Variants in PDE3A observed in about 807,000 individuals in gnomAD.
The protein encoded by PDE3A is cGMP-inhibited 3',5'-cyclic phosphodiesterase 3A.
A neutral mutation model predicts 98.3 loss-of-function variants in PDE3A; 43 were observed. The observed-to-expected ratio is 0.44, with a 90% confidence interval of 0.34 to 0.56. PDE3A has a LOEUF of 0.56. Ranked by LOEUF, PDE3A falls within the 20% of genes least tolerant of loss-of-function variation. PDE3A has a pLI of 0.01. For synonymous variants in PDE3A, 663 were observed against 567.9 expected (o/e 1.17, Z -2.38); for missense variants, 1,427 against 1,440.7 (o/e 0.99, Z 0.15).
chr12:20,594,710 A>G (rs1331386106), intron 2 of PDE3A, among the ~76,000 whole-genome samples: 1 of 152,124 alleles, frequency 6.6e-6, no homozygotes, highest in African/African-American at 2.4e-5. Flanking sequence ...GGATTCAGAT[A>G]TGGATAGTAT....
intron 13 of PDE3A, among the ~76,000 whole-genome samples, 176 bp from the exon 14 acceptor site, chr12:20,650,269 T>C (rs1944886449): frequency 6.6e-6 from 1 of 152,182 alleles, no homozygotes; most frequent in South Asian, 2.1e-4. Context: ...TTGTGAACTA[T>C]TTTTACCATT....
intron 1 of PDE3A, among the ~76,000 whole-genome samples, chr12:20,501,545 T>C (rs1054582392): frequency 6.6e-6 from 1 of 152,178 alleles, no homozygotes; most frequent in Non-Finnish European, 1.5e-5. Context: ...AGTAAAACTT[T>C]CTATTTACTT....
intron 15 of PDE3A, among the ~76,000 whole-genome samples, chr12:20,668,097 T>C (rs1945368152): frequency 6.6e-6 from 1 of 152,206 alleles, no homozygotes; most frequent in Admixed American, 6.5e-5. Context: ...AGATGGCACC[T>C]GGAAAATCAG....
chr12:20,485,162 G>A (rs1435171576), intron 1 of PDE3A, among the ~76,000 whole-genome samples: 1 of 152,136 alleles, frequency 6.6e-6, no homozygotes, highest in Non-Finnish European at 1.5e-5. Context: ...CGAAGATCAA[G>A]GTGTCAGCAA....
chr12:20,467,378 T>A (rs1054214194), intron 1 of PDE3A, among the ~76,000 whole-genome samples: 6 of 151,994 alleles, frequency 3.9e-5, no homozygotes, highest in African/African-American at 1.4e-4. Flanking sequence ...AGTGTAGGAA[T>A]GACTTTCTAT....
In PDE3A at chr12:20,688,287, T is replaced by C. The variant is rs1946034310; in HGVS notation, c.*8016T>C. Among the ~76,000 whole-genome samples, 1 of 151,992 alleles carries C rather than the reference T, an allele frequency of 6.6e-6. No homozygotes were observed. The highest frequency in any genetic ancestry group is 2.4e-5 in the African/African-American group (1 of 41,422). On this transcript the variant is annotated 3_prime_UTR_variant, in exon 16 of 16. Coordinates refer to ENST00000359062, the MANE Select transcript of PDE3A (RefSeq NM_000921.5). Reference sequence around the variant, plus strand: ...TTAATATATGTAGCAATACTTAGTATCATCCCATCACAAGTATTGTTAGGC... The same window carrying C: ...TTAATATATGTAGCAATACTTAGTACCATCCCATCACAAGTATTGTTAGGC...
At chr12:20,564,511 A>G (rs985735243) in intron 2 of PDE3A, among the ~76,000 whole-genome samples, 1 of 152,164 alleles carries the variant, frequency 6.6e-6, no homozygotes, top group Non-Finnish European at 1.5e-5. Flanking sequence ...ATTATGTCCA[A>G]GAAATCTAAT....
rs574462840 is a variant in PDE3A, at chr12:20,372,332, CTT to C, written c.960+2090_960+2091del. On this transcript the variant is annotated intron_variant, in intron 1 of 15. Transcript: ENST00000359062. Reference sequence around the variant, plus strand: ...ATGAAGATTATTCTAAAGTGGGAAACTTTGTCTTATGCTTGATGGAAACACAA... The same window carrying C: ...ATGAAGATTATTCTAAAGTGGGAAACTGTCTTATGCTTGATGGAAACACAA... 1.2e-3 allele frequency among the ~76,000 whole-genome samples: 178 copies of C among 152,094 alleles called. 3 individuals are homozygous for C. Among genetic ancestry groups the C allele is most frequent in the Non-Finnish European group, 4.0e-4 (27 of 67,960 alleles).
chr12:20,402,768 C>A (rs1281341764), intron 1 of PDE3A, among the ~76,000 whole-genome samples: 1 of 151,892 alleles, frequency 6.6e-6, no homozygotes, highest in Non-Finnish European at 1.5e-5. Flanking sequence ...TTTTCTAATG[C>A]CTGGCTGAAA....
At chr12:20,433,115 A>G (rs1390922086) in intron 1 of PDE3A, among the ~76,000 whole-genome samples, 2 of 152,186 alleles carry the variant, frequency 1.3e-5, no homozygotes, top group Non-Finnish European at 2.9e-5. Flanking sequence ...TTTTCCCAGC[A>G]GCCTCCAAAA....
intron 15 of PDE3A, among the ~76,000 whole-genome samples, chr12:20,657,728 C>G (rs560339080): frequency 6.6e-6 from 1 of 152,286 alleles, no homozygotes; most frequent in South Asian, 2.1e-4. Flanking sequence ...TTATTTGGTA[C>G]AAACTTTCTT....
chr12:20,415,569 C>T (rs2120729206), intron 1 of PDE3A, among the ~76,000 whole-genome samples: 1 of 152,160 alleles, frequency 6.6e-6, no homozygotes, highest in African/African-American at 2.4e-5. Context: ...TCCCAAGTAG[C>T]TGGGCTTATA....
chr12:20,369,253 C>G lies in PDE3A; in HGVS notation c.-32C>G, dbSNP rs1943407466. 6.9e-7 allele frequency: 1 copy of G among 1,455,838 alleles called. No homozygotes were observed. The highest frequency in any genetic ancestry group is 1.4e-5 in the African/African-American group (1 of 70,228). 90.2% of individuals were successfully genotyped at this position (1,455,838 alleles called of 1,614,324 possible). ...TCGGGGCGGGGGCGTCGGGGGGCCA[C>G]TGGGAATTCAGTGAAGAGGGCACCC... On this transcript the variant is annotated 5_prime_UTR_variant, in exon 1 of 16. Coordinates refer to ENST00000359062, the MANE Select transcript of PDE3A (RefSeq NM_000921.5).
intron 2 of PDE3A, among the ~76,000 whole-genome samples, chr12:20,569,238 AACTTC>A (rs1470031376): frequency 6.6e-6 from 1 of 152,112 alleles, no homozygotes; most frequent in Non-Finnish European, 1.5e-5. Context: ...TCACCAGATT[AACTTC>A]TTAATATCAG....
intron 2 of PDE3A, among the ~76,000 whole-genome samples, chr12:20,599,052 T>C (rs1303674798): frequency 6.6e-6 from 1 of 152,224 alleles, no homozygotes; most frequent in African/African-American, 2.4e-5. Context: ...ATTGGGCATC[T>C]GAAATCTAGC....
intron 15 of PDE3A, among the ~76,000 whole-genome samples, chr12:20,679,343 G>T (rs1247934254): frequency 1.3e-5 from 2 of 152,148 alleles, no homozygotes; most frequent in African/African-American, 4.8e-5. Flanking sequence ...CGCCTCCTGG[G>T]TTCACACCAT....
rs369380145 is a variant in PDE3A at position 20,369,194 on chromosome 12, T to G, written c.-91T>G. ...GAATTGGGAAGAGCGTGCGTGCGTG[T>G]GTGTGTGTGTGTGTGTGCGCGCGCG... is the stretch of plus-strand genomic sequence containing the variant. On this transcript the variant is annotated 5_prime_UTR_variant, in exon 1 of 16. Transcript: ENST00000359062. The G allele has an allele frequency of 8.1e-6, 2 of 246,648 alleles. No individual in the cohort carries two copies. The highest frequency in any genetic ancestry group is 1.3e-5 in the Non-Finnish European group (2 of 152,956). The allele number at this position is 246,648 out of a possible 1,614,324, so 15.3% of individuals were successfully genotyped here.
chr12:20,540,407 T>C (rs1026891521), intron 1 of PDE3A, among the ~76,000 whole-genome samples: 17 of 152,050 alleles, frequency 1.1e-4, no homozygotes, highest in African/African-American at 4.1e-4. Context: ...GCCCTTGAAG[T>C]TGTTATTATA....
intron 1 of PDE3A, among the ~76,000 whole-genome samples, chr12:20,531,899 A>G (rs989699743): frequency 6.6e-6 from 1 of 151,674 alleles, no homozygotes; most frequent in Non-Finnish European, 1.5e-5. Context: ...ATTCCATCTC[A>G]TAAACTTCTA....
Sources: gnomAD v4.1 joint callset for allele counts (sites outside exome capture counted in the v4.1 genomes callset) on GRCh38, gnomAD v4.1.1 for gene constraint, MANE v1.5 for transcripts, NCBI Gene and HGNC (gene_info 2026-07-23, HGNC 2026-07-21) for gene names.